NRXN1: variants seen among roughly 807,000 people sequenced by gnomAD.
NRXN1 encodes neurexin-1.
NRXN1 carries 39 observed loss-of-function variants against 150.9 expected under a neutral mutation model. The observed-to-expected ratio is 0.26, with a 90% confidence interval of 0.20 to 0.34. The LOEUF is 0.34. Among genes scored for constraint, NRXN1 ranks in the 10% least tolerant of loss-of-function variants. The pLI is 1.00. For synonymous variants in NRXN1, 924 were observed against 757.0 expected (o/e 1.22, Z -3.62); for missense variants, 1,815 against 1,949.9 (o/e 0.93, Z 1.30).
chr2:50,542,043 A>G (rs183314933), intron 9 of NRXN1, among the ~76,000 whole-genome samples: 4 of 152,302 alleles, frequency 2.6e-5, no homozygotes, highest in Admixed American at 2.0e-4. Context: ...GCACTTTGGG[A>G]GACCAAGGCG....
At chr2:50,318,948 G>T (rs2152971741) in intron 17 of NRXN1, among the ~76,000 whole-genome samples, 1 of 152,064 alleles carries the variant, frequency 6.6e-6, no homozygotes, top group South Asian at 2.1e-4. Context: ...AGTTTTAAAG[G>T]TAAATTATTA....
At chr2:50,641,173 A>T (rs1684025229) in intron 5 of NRXN1, among the ~76,000 whole-genome samples, 1 of 152,176 alleles carries the variant, frequency 6.6e-6, no homozygotes, top group South Asian at 2.1e-4. Flanking sequence ...GCTGTGCCTT[A>T]ATAAACATTT....
chr2:50,560,424 G>GTTTGTTTGTTTATTTA (rs367680337), intron 8 of NRXN1, among the ~76,000 whole-genome samples: 1 of 89,480 alleles, frequency 1.1e-5, no homozygotes, highest in African/African-American at 6.2e-5. Flanking sequence ...TCTGATGTAT[G>GTTTGTTTGTTTATTTA]TTTATTTATT....
At chr2:50,558,843 G>A (rs989551254) in intron 8 of NRXN1, among the ~76,000 whole-genome samples, 3 of 152,074 alleles carry the variant, frequency 2.0e-5, no homozygotes, top group Non-Finnish European at 4.4e-5. Context: ...GCGGATCATG[G>A]AGGAGGGCGG....
intron 5 of NRXN1, among the ~76,000 whole-genome samples, chr2:50,703,028 A>C (rs1332987531): frequency 6.6e-6 from 1 of 152,134 alleles, no homozygotes; most frequent in South Asian, 2.1e-4. Context: ...CAGACAAACA[A>C]ACACAAAAAC....
intron 5 of NRXN1, among the ~76,000 whole-genome samples, chr2:50,723,915 C>A (rs1490005119): frequency 1.3e-5 from 2 of 152,152 alleles, no homozygotes; most frequent in African/African-American, 2.4e-5. Flanking sequence ...TCATATATCA[C>A]CAGCTTGTTA....
chr2:50,692,534 G>A (rs1287229793), intron 5 of NRXN1, among the ~76,000 whole-genome samples: 24 of 152,040 alleles, frequency 1.6e-4, no homozygotes, highest in Admixed American at 1.6e-3. Context: ...TAATCAGAGT[G>A]TGAAAGCCAC....
chr2:50,292,871 T>C (rs549383024), intron 17 of NRXN1, among the ~76,000 whole-genome samples: 1 of 152,186 alleles, frequency 6.6e-6, no homozygotes, highest in Non-Finnish European at 1.5e-5. Flanking sequence ...ATATTTTTAA[T>C]CTTAAGTCAT....
At chr2:50,801,742 G>A (rs894042811) in intron 5 of NRXN1, among the ~76,000 whole-genome samples, 8 of 152,124 alleles carry the variant, frequency 5.3e-5, no homozygotes, top group Non-Finnish European at 1.0e-4. Context: ...TTTCAAGGCT[G>A]GGTTTGATGT....
At chr2:50,472,574 A>T (rs952231616) in intron 15 of NRXN1, 103 bp from the exon 16 acceptor site, 10 of 855,966 alleles carry the variant, frequency 1.2e-5, no homozygotes, top group Non-Finnish European at 1.7e-5. Flanking sequence ...TCATTAAGTT[A>T]ATAAAAAATT....
In NRXN1 at chr2:50,893,900, A is replaced by G. The variant is rs573410804; in HGVS notation, c.832+27969T>C. On this transcript the variant is annotated intron_variant, in intron 5 of 22. Coordinates refer to ENST00000401669, the MANE Select transcript of NRXN1 (RefSeq NM_001330078.2). ...AGTTTACTGAGAATGATGATTTCCA[A>G]TTTCATCCATGTCCCTACAAAGGAC... Among the ~76,000 whole-genome samples, 6 of 152,074 alleles carry G rather than the reference A, an allele frequency of 3.9e-5. No homozygotes were observed. The East Asian group carries it at 5.8e-4, about 15-fold the overall frequency.
At chr2:50,580,029 G>C (rs942868637) in intron 8 of NRXN1, among the ~76,000 whole-genome samples, 12 of 152,106 alleles carry the variant, frequency 7.9e-5, no homozygotes, top group African/African-American at 2.9e-4. Flanking sequence ...TTTCCCATGA[G>C]GTTTGAGAAC....
At chr2:50,187,123 A>G (rs2061128209) in intron 18 of NRXN1, among the ~76,000 whole-genome samples, 1 of 152,082 alleles carries the variant, frequency 6.6e-6, no homozygotes, top group African/African-American at 2.4e-5. Flanking sequence ...AAACAAACCA[A>G]TAAAGATCAC....
chr2:50,182,033 GA>G (rs35172408), intron 18 of NRXN1, among the ~76,000 whole-genome samples: 4,596 of 142,704 alleles, frequency 0.032, 212 homozygotes, highest in African/African-American at 0.1. Context: ...CAAGGGAAAG[GA>G]AAAAAAAAAT....
At chr2:50,779,145 G>C (rs541820486) in intron 5 of NRXN1, among the ~76,000 whole-genome samples, 2 of 152,162 alleles carry the variant, frequency 1.3e-5, no homozygotes, top group East Asian at 1.9e-4. Flanking sequence ...ATCTATATTA[G>C]GTATTTCTCC....
At chr2:50,525,237 C>CA (rs979278148) in intron 12 of NRXN1, among the ~76,000 whole-genome samples, 1 of 152,196 alleles carries the variant, frequency 6.6e-6, no homozygotes, top group African/African-American at 2.4e-5. Flanking sequence ...AAGGTTTCAA[C>CA]AATGATTTGT....
chr2:50,267,013 G>A (rs1574837449), intron 17 of NRXN1, among the ~76,000 whole-genome samples: 1 of 152,286 alleles, frequency 6.6e-6, no homozygotes. Flanking sequence ...CACACCTTAT[G>A]ATCATGCCTC....
At chr2:50,923,911 G>GA (rs1488828470) in intron 3 of NRXN1, among the ~76,000 whole-genome samples, 2 of 151,704 alleles carry the variant, frequency 1.3e-5, no homozygotes, top group African/African-American at 2.4e-5. Context: ...AATATAACAT[G>GA]AAAGTTATTA....
At chr2:50,714,502 C>T (rs778074182) in intron 5 of NRXN1, among the ~76,000 whole-genome samples, 35 of 151,944 alleles carry the variant, frequency 2.3e-4, no homozygotes, top group South Asian at 4.1e-4. Context: ...AGTTTCTTCC[C>T]GCCATCAATC....
Sources: gnomAD v4.1 joint callset for allele counts (sites outside exome capture counted in the v4.1 genomes callset) on GRCh38, gnomAD v4.1.1 for gene constraint, MANE v1.5 for transcripts, NCBI Gene and HGNC (gene_info 2026-07-23, HGNC 2026-07-21) for gene names.